The following SHPRH variants were observed in gnomAD, a reference collection of about 807,000 sequenced individuals.
SHPRH encodes the protein SNF2 histone linker PHD RING helicase, also known as E3 ubiquitin-protein ligase SHPRH.
SHPRH carries 106 observed loss-of-function variants against 202.5 expected under a neutral mutation model. That is an observed-to-expected ratio of 0.52 (90% CI 0.45 to 0.62). The LOEUF (loss-of-function observed/expected upper bound fraction) is 0.62, where lower values mean the gene tolerates loss of function less well. SHPRH is among the 20% of genes least tolerant of loss of function. The pLI is 0.00. For synonymous variants in SHPRH, 729 were observed against 686.0 expected (o/e 1.06, Z -0.98); for missense variants, 1,710 against 2,020.0 (o/e 0.85, Z 2.94).
intron 21 of SHPRH, among the ~76,000 whole-genome samples, chr6:145,920,507 A>T (rs919989356): frequency 2.0e-5 from 3 of 152,068 alleles, no homozygotes; most frequent in African/African-American, 7.2e-5. Flanking sequence ...TCTCTGCATA[A>T]AAATTTTTAT....
At chr6:145,949,985 T>C (rs1174992311) in intron 4 of SHPRH, among the ~76,000 whole-genome samples, 2 of 152,080 alleles carry the variant, frequency 1.3e-5, no homozygotes, top group Non-Finnish European at 1.5e-5. Context: ...TTGAAAGGAA[T>C]GTAAAAAAAA....
intron 8 of SHPRH, among the ~76,000 whole-genome samples, chr6:145,944,757 A>G (rs1054372421): frequency 6.6e-6 from 1 of 152,128 alleles, no homozygotes; most frequent in Non-Finnish European, 1.5e-5. Flanking sequence ...ATTTTCCTAA[A>G]AGCAAATTGA....
intron 23 of SHPRH, among the ~76,000 whole-genome samples, chr6:145,915,740 T>G (rs1244402054): frequency 6.6e-6 from 1 of 152,058 alleles, no homozygotes; most frequent in African/African-American, 2.4e-5. Context: ...ATCTCTCAAC[T>G]TTTTTTATTT....
Position 145,945,589 on chromosome 6 carries a change from T to C in SHPRH, c.1370A>G (p.Lys457Arg). Reference protein sequence around the residue: ...LTAVKEMNGKKGVSILSIYKY... With the variant: ...LTAVKEMNGKRGVSILSIYKY... ...ATAGATGGAAAGGATGGACACTCCT[T>C]TTTTTCCATTCATTTCTTTCACAGC... The change falls in exon 8 of 30, where the codon AAA (lysine) becomes AGA (arginine). Residue 457 changes from lysine to arginine, a missense_variant. Physicochemically the swap from Lys to Arg is conservative, Grantham distance 26. Transcript: ENST00000275233. 1.9e-6 allele frequency: 3 copies of C among 1,612,618 alleles called. No homozygotes were observed. In the East Asian group the frequency reaches 6.7e-5, roughly 36 times the overall value.
At chr6:145,901,510 G>A (rs989748883) in intron 25 of SHPRH, among the ~76,000 whole-genome samples, 4 of 152,052 alleles carry the variant, frequency 2.6e-5, no homozygotes, top group African/African-American at 7.2e-5. Context: ...AGTAACAAAA[G>A]GAAATGTGGA....
intron 17 of SHPRH, 29 bp downstream of exon 17, chr6:145,924,710 C>G (rs770746917): frequency 3.1e-6 from 5 of 1,592,610 alleles, no homozygotes; most frequent in Non-Finnish European, 4.3e-6. Context: ...GAGGCAAATA[C>G]AAGTAAGAAA....
exon 3 of SHPRH, chr6:145,864,425 C>A: frequency 2.4e-6 from 1 of 415,566 alleles, no homozygotes; most frequent in South Asian, 1.9e-5. Context: ...TGGCAGTTGT[C>A]AGGGACCAGG....
At chr6:145,924,712 A>G in intron 17 of SHPRH, 27 bp downstream of exon 17, 1 of 1,591,018 alleles carries the variant, frequency 6.3e-7, no homozygotes, top group Non-Finnish European at 8.6e-7. Flanking sequence ...GGCAAATACA[A>G]GTAAGAAACA....
In SHPRH at chr6:145,933,110, T is replaced by C. The variant is rs1227548283; in HGVS notation, c.3059A>G (p.His1020Arg). ...KKCGTECEEA[H>R]RQLVCALNGL... ...ATTGAGAGCACAAACTAGCTGTCGA[T>C]GTGCTTCTTCACATTCAGTTCCACA... The change falls in exon 14 of 30, where the codon CAT becomes CGT. Residue 1020 changes from histidine (H) to arginine (R), a missense_variant. This residue lies in a region of SHPRH where 288 missense variants were observed against 317.8 expected (regional missense o/e 0.91). Transcript: ENST00000275233. The C allele has an allele frequency of 2.5e-6, 4 of 1,613,958 alleles. No individual in the cohort carries two copies. The highest frequency in any genetic ancestry group is 3.4e-6 in the Non-Finnish European group (4 of 1,179,906).
At chr6:145,898,028 A>G (rs2265918) in intron 25 of SHPRH, among the ~76,000 whole-genome samples, 56,295 of 151,982 alleles carry the variant, frequency 0.37, 10,943 homozygotes, top group South Asian at 0.49. Context: ...ATTAGGCAAG[A>G]AAAAGAAATA....
intron 6 of SHPRH, among the ~76,000 whole-genome samples, chr6:145,946,948 T>C (rs1046273348): frequency 6.6e-6 from 1 of 152,050 alleles, no homozygotes; most frequent in South Asian, 2.1e-4. Flanking sequence ...ATATGAGCTA[T>C]ATACTATATT....
In SHPRH at chr6:145,941,661, G is replaced by C; in HGVS notation, c.2452C>G (p.Leu818Val). The part of the protein sequence containing the change: ...LVAVEWWRIC[L>V]DEAQMVECPT... ...CACTCAACCATCTGAGCTTCATCAAGGCAGATCCTCCACCACTCCACAGCT... is the reference window on the plus strand; with the variant it reads ...CACTCAACCATCTGAGCTTCATCAACGCAGATCCTCCACCACTCCACAGCT... Residue 818 changes from leucine to valine, a missense_variant, in exon 10 of 30, where the codon CTT becomes GTT. Around this residue, in one of 8 missense-constraint regions of SHPRH, gnomAD observed 277 missense variants for 363.0 expected, o/e 0.76. Coordinates refer to ENST00000275233, the MANE Select transcript of SHPRH (RefSeq NM_001042683.3). 6.2e-7 allele frequency: 1 copy of C among 1,613,982 alleles called. No homozygotes were observed. The highest frequency in any genetic ancestry group is 8.5e-7 in the Non-Finnish European group (1 of 1,179,932).
downstream of SHPRH, among the ~76,000 whole-genome samples, chr6:145,861,962 C>T (rs1024988367): frequency 6.6e-6 from 1 of 152,070 alleles, no homozygotes; most frequent in Non-Finnish European, 1.5e-5. Context: ...AATAGTCATA[C>T]AAATAGCAGC....
chr6:145,916,352 T>C (rs1466961364), intron 23 of SHPRH, among the ~76,000 whole-genome samples: 2 of 152,128 alleles, frequency 1.3e-5, no homozygotes, highest in African/African-American at 4.8e-5. Context: ...CTGGAGCATT[T>C]CCAGTTTTGG....
chr6:145,860,160 T>C (rs1779533392), downstream of SHPRH, among the ~76,000 whole-genome samples: 1 of 152,024 alleles, frequency 6.6e-6, no homozygotes, highest in South Asian at 2.1e-4. Flanking sequence ...CTATTCAATA[T>C]AGTATTGAAA....
intron 14 of SHPRH, 140 bp from the exon 15 acceptor site, chr6:145,927,417 G>T: frequency 2.8e-6 from 2 of 714,070 alleles, no homozygotes; most frequent in Non-Finnish European, 4.4e-6. Context: ...AATTTGACTT[G>T]GTATTAATAT....
chr6:145,939,455 C>T (rs1786497965), intron 11 of SHPRH, among the ~76,000 whole-genome samples: 1 of 152,070 alleles, frequency 6.6e-6, no homozygotes. Flanking sequence ...GTGACAGGTG[C>T]TCAAAACACT....
At chr6:145,923,813 T>C in intron 17 of SHPRH, 28 bp from the exon 18 acceptor site, 6 of 1,598,208 alleles carry the variant, frequency 3.8e-6, no homozygotes, top group Non-Finnish European at 5.1e-6. Flanking sequence ...GTTAATCAAT[T>C]AATACATTTT....
At chr6:145,928,078 T>A (rs755107853) in intron 14 of SHPRH, among the ~76,000 whole-genome samples, 2 of 151,972 alleles carry the variant, frequency 1.3e-5, no homozygotes, top group South Asian at 4.1e-4. Context: ...CATGTGAAAA[T>A]TAAATTTCAG....
Sources: gnomAD v4.1 joint callset for allele counts (sites outside exome capture counted in the v4.1 genomes callset) on GRCh38, gnomAD v4.1.1 for gene constraint, gnomAD v4.1.1 regional missense constraint, MANE v1.5 for transcripts, NCBI Gene and HGNC (gene_info 2026-07-23, HGNC 2026-07-21) for gene names.